The following GSE1 variants were observed in gnomAD, a reference collection of about 807,000 sequenced individuals.
GSE1 encodes the protein genetic suppressor element 1.
GSE1 carries 32 observed loss-of-function variants against 112.6 expected under a neutral mutation model. The observed-to-expected ratio is 0.28, with a 90% CI of 0.21 to 0.38. The LOEUF (loss-of-function observed/expected upper bound fraction) is 0.38. Ranked by LOEUF, GSE1 falls within the 10% of genes least tolerant of loss-of-function variation. The pLI is 1.00. For synonymous variants in GSE1, 1,115 were observed against 735.6 expected, an observed-to-expected ratio of 1.52 and a Z score of -8.35; for missense variants, 2,348 against 1,699.2, an observed-to-expected ratio of 1.38 and a Z score of -6.71.
intron 2 of GSE1, among the ~76,000 whole-genome samples, chr16:85,440,889 G>T (rs2151780623): frequency 6.6e-6 from 1 of 152,332 alleles, no homozygotes; most frequent in East Asian, 1.9e-4. Context: ...CGAGGACGCG[G>T]TCCCACCGGA....
intron 1 of GSE1, among the ~76,000 whole-genome samples, chr16:85,190,105 A>C (rs2074791179): frequency 6.6e-6 from 1 of 152,208 alleles, no homozygotes; most frequent in South Asian, 2.1e-4. Context: ...GTCTAAGGGC[A>C]CACTTCCCAA....
chr16:85,383,312 AC>A (rs1189718121), intron 2 of GSE1, among the ~76,000 whole-genome samples: 1 of 151,496 alleles, frequency 6.6e-6, no homozygotes, highest in Non-Finnish European at 1.5e-5. Context: ...ACATGTACAT[AC>A]ACAGTCCTCA....
chr16:85,334,547 C>T (rs143005836), intron 1 of GSE1, among the ~76,000 whole-genome samples: 209 of 152,290 alleles, frequency 1.4e-3, no homozygotes, highest in South Asian at 0.011. Flanking sequence ...CCTGGTGTCC[C>T]GACCAGAGGG....
intron 1 of GSE1, among the ~76,000 whole-genome samples, chr16:85,626,754 G>A (rs893331851): frequency 6.6e-6 from 1 of 152,166 alleles, no homozygotes; most frequent in Non-Finnish European, 1.5e-5. Context: ...ATGAAAGGAA[G>A]CAGTAATTAC....
intron 2 of GSE1, among the ~76,000 whole-genome samples, chr16:85,426,462 A>AAAGG (rs2048992156): frequency 1.1e-5 from 1 of 90,286 alleles, no homozygotes; most frequent in African/African-American, 4.7e-5. Context: ...GGAAGGGAGA[A>AAAGG]AGGGAGGGAG....
At position 85,654,323 on chromosome 16, in the gene GSE1, G is replaced by A. The variant is rs759508904; in HGVS notation, c.472G>A (p.Val158Met). ...CAGTGGAGGTCGGGAACGCCTCATT[G>A]TGGAGCCCCCGCTCCCTCAGGAGAA... Reference protein sequence around the residue: ...SSSGGRERLIVEPPLPQEKAG... With the variant: ...SSSGGRERLIMEPPLPQEKAG... Residue 158 changes from valine to methionine, a missense_variant, in exon 4 of 16, where the codon GTG becomes ATG. Transcript: ENST00000253458. 6.2e-7 allele frequency: 1 copy of A among 1,610,966 alleles called. No individual in the cohort carries two copies. Among genetic ancestry groups the A allele is most frequent in the African/African-American group, 1.3e-5 (1 of 74,918 alleles).
intron 1 of GSE1, among the ~76,000 whole-genome samples, chr16:85,296,854 A>G (rs2045380963): frequency 7.3e-6 from 1 of 137,532 alleles, no homozygotes; most frequent in South Asian, 2.6e-4. Flanking sequence ...GGGCCAGTCC[A>G]CAGCTTGCCT....
intron 1 of GSE1, among the ~76,000 whole-genome samples, chr16:85,314,560 A>G (rs2045945304): frequency 6.6e-6 from 1 of 151,370 alleles, no homozygotes; most frequent in African/African-American, 2.4e-5. Flanking sequence ...GAGCATGTAC[A>G]CACACACACG....
intron 1 of GSE1, among the ~76,000 whole-genome samples, chr16:85,272,869 C>T (rs1908988699): frequency 1.3e-5 from 2 of 151,796 alleles, no homozygotes; most frequent in South Asian, 2.1e-4. Context: ...CTCTGTCTCC[C>T]AGGTTCAAGT....
chr16:85,590,005 T>A (rs1271227593), intron 1 of GSE1, among the ~76,000 whole-genome samples: 1 of 151,934 alleles, frequency 6.6e-6, no homozygotes, highest in South Asian at 2.1e-4. Flanking sequence ...TGAGACTGTG[T>A]GACCTGTGTG....
chr16:85,546,958 A>G (rs1462595074), intron 2 of GSE1, among the ~76,000 whole-genome samples: 1 of 152,202 alleles, frequency 6.6e-6, no homozygotes, highest in Non-Finnish European at 1.5e-5. Context: ...TTCCACCCAA[A>G]GCCTGGCTGG....
At chr16:85,614,301 G>A (rs1190585175) in intron 1 of GSE1, among the ~76,000 whole-genome samples, 2 of 152,116 alleles carry the variant, frequency 1.3e-5, no homozygotes, top group African/African-American at 4.8e-5. Flanking sequence ...TTATATTGCA[G>A]CACCAGAGAC....
chr16:85,646,956 G>T (rs190758035), intron 2 of GSE1, among the ~76,000 whole-genome samples: 198 of 152,252 alleles, frequency 1.3e-3, no homozygotes, highest in Non-Finnish European at 2.1e-3. Context: ...GACTCTTGCA[G>T]CAGGTGCCTT....
intron 2 of GSE1, among the ~76,000 whole-genome samples, chr16:85,407,946 C>T (rs1487574199): frequency 1.7e-5 from 1 of 57,980 alleles, no homozygotes; most frequent in African/African-American, 6.5e-5. Flanking sequence ...CCTGGATAAT[C>T]CTCACCGTTA....
chr16:85,370,552 G>A (rs1243262500), intron 2 of GSE1, among the ~76,000 whole-genome samples: 1 of 152,194 alleles, frequency 6.6e-6, no homozygotes, highest in African/African-American at 2.4e-5. Context: ...GAACCTGAAA[G>A]TGGATACAGC....
chr16:85,316,841 A>T (rs1351313976), intron 1 of GSE1, among the ~76,000 whole-genome samples: 2 of 152,166 alleles, frequency 1.3e-5, no homozygotes, highest in Non-Finnish European at 2.9e-5. Flanking sequence ...GGGCTCAGGG[A>T]ACCCCGCCCG....
At chr16:85,551,776 C>A (rs150533108), upstream of GSE1, among the ~76,000 whole-genome samples, 10 of 152,332 alleles carry the variant, frequency 6.6e-5, no homozygotes, top group African/African-American at 2.4e-4. Context: ...CTCTCCTTCC[C>A]GAGGATGTGG....
At chr16:85,456,641 G>T (rs954054775) in intron 2 of GSE1, among the ~76,000 whole-genome samples, 36 of 94,108 alleles carry the variant, frequency 3.8e-4, no homozygotes, top group African/African-American at 1.0e-3. Context: ...TGTGTGTGTG[G>T]TCTGCCATTT....
At chr16:85,569,345 G>C (rs1199988844) in intron 1 of GSE1, among the ~76,000 whole-genome samples, 1 of 152,204 alleles carries the variant, frequency 6.6e-6, no homozygotes, top group African/African-American at 2.4e-5. Flanking sequence ...TCTTTATTTA[G>C]TAGCTGAGCC....
Sources: allele counts gnomAD v4.1 joint callset (sites outside exome capture counted in the v4.1 genomes callset), GRCh38; gene constraint gnomAD v4.1.1; transcripts MANE v1.5; gene names NCBI Gene and HGNC (gene_info 2026-07-23, HGNC 2026-07-21).